RNF19A: variants seen among roughly 807,000 people sequenced by gnomAD.
The protein encoded by RNF19A is E3 ubiquitin-protein ligase RNF19A.
RNF19A carries 32 observed loss-of-function variants against 75.7 expected under a neutral mutation model. The ratio of observed to expected loss-of-function variants is 0.42; its 90% CI spans 0.32 to 0.57. The LOEUF is 0.57. Among genes scored for constraint, RNF19A ranks in the 20% least tolerant of loss-of-function variants. The pLI is 0.10. For missense variants in RNF19A, 782 were observed against 1,036.3 expected, an observed-to-expected ratio of 0.75 and a Z score of 3.37; for synonymous variants, 335 against 345.2, an observed-to-expected ratio of 0.97 and a Z score of 0.33.
chr8:100,304,549 C>T (rs925737925), intron 1 of RNF19A, among the ~76,000 whole-genome samples: 2 of 152,170 alleles, frequency 1.3e-5, no homozygotes, highest in Non-Finnish European at 2.9e-5. Flanking sequence ...TCCAAATGAC[C>T]TTATTTCATG....
At chr8:100,301,447 T>C (rs552569540) in intron 1 of RNF19A, among the ~76,000 whole-genome samples, 2 of 152,340 alleles carry the variant, frequency 1.3e-5, no homozygotes, top group African/African-American at 4.8e-5. Flanking sequence ...CCTGTGGCAT[T>C]AAAAGCCCTC....
chr8:100,314,367 A>C (rs1164344916), upstream of RNF19A, among the ~76,000 whole-genome samples: 6 of 151,906 alleles, frequency 3.9e-5, no homozygotes. This position sits in a 1 kb window ranked among gnomAD's most constrained non-coding sequence, Gnocchi z 4.1. Flanking sequence ...AAAGCTCCCA[A>C]ATTAGGATCT....
rs529551927 is a variant in RNF19A at position 100,257,457 on chromosome 8, G to T, written c.*1099C>A. On this transcript the variant is annotated 3_prime_UTR_variant, in exon 10 of 10. Coordinates refer to ENST00000341084, the MANE Select transcript of RNF19A (RefSeq NM_183419.4). The stretch of plus-strand genomic sequence containing the variant: ...ACATTGTCCATAAACAAAAGCAAAA[G>T]AAAATAATGCTAATCATACATGGAC... 1.5e-4 allele frequency: 23 copies of T among 152,684 alleles called. No individual in the cohort carries two copies. Among genetic ancestry groups the T allele is most frequent in the African/African-American group, 5.3e-4 (22 of 41,562 alleles). The allele number at this position is 152,684 out of a possible 1,614,324, so 9.5% of individuals were successfully genotyped here.
intron 2 of RNF19A, among the ~76,000 whole-genome samples, chr8:100,285,857 T>A (rs1820993077): frequency 6.6e-6 from 1 of 152,002 alleles, no homozygotes; most frequent in African/African-American, 2.4e-5. Flanking sequence ...TCTTGCACCC[T>A]GGGGTTCTAT....
chr8:100,299,949 T>C (rs1447819447), intron 1 of RNF19A, among the ~76,000 whole-genome samples: 2 of 152,170 alleles, frequency 1.3e-5, no homozygotes, highest in African/African-American at 4.8e-5. Flanking sequence ...GACCTCTGGT[T>C]AGCTAAATCA....
intron 5 of RNF19A, among the ~76,000 whole-genome samples, chr8:100,268,173 C>T (rs1198358122): frequency 6.6e-6 from 1 of 151,480 alleles, no homozygotes; most frequent in Admixed American, 6.6e-5. Context: ...TTAATTTAGG[C>T]AACAACAGAC....
chr8:100,289,920 T>C (rs892870552), intron 1 of RNF19A, among the ~76,000 whole-genome samples: 3 of 152,148 alleles, frequency 2.0e-5, no homozygotes, highest in African/African-American at 7.2e-5. Context: ...AATGAATACA[T>C]AATTTGTGGT....
At chr8:100,318,454 A>G (rs139022096) in intron 1 of RNF19A, among the ~76,000 whole-genome samples, 3 of 152,352 alleles carry the variant, frequency 2.0e-5, no homozygotes, top group Non-Finnish European at 4.4e-5. Context: ...ATTTTGAAAC[A>G]AGGCAAATAA....
Position 100,333,744 on chromosome 8 carries a change from G to A in RNF19A, c.-243+2364C>T, listed in dbSNP as rs1471245318. Among the ~76,000 whole-genome samples, 26 of 152,192 alleles carry A rather than the reference G, an allele frequency of 1.7e-4. No homozygotes were observed. Among genetic ancestry groups the A allele is most frequent in the Admixed American group, 1.7e-3 (26 of 15,278 alleles). ...GAGGTGGGAGGATCACTTGAGCCCA[G>A]GAGTTCAATGGTGTAGCCAGCTATG... On this transcript the variant is annotated intron_variant, in intron 1 of 3. Transcript: ENST00000519527. This position sits in a 1 kb window ranked among gnomAD's most constrained non-coding sequence, Gnocchi z 4.7.
At chr8:100,271,747 T>C (rs1388634662) in intron 3 of RNF19A, among the ~76,000 whole-genome samples, 5 of 152,210 alleles carry the variant, frequency 3.3e-5, no homozygotes, top group Admixed American at 1.3e-4. Context: ...AAAGGCTGTT[T>C]AGTTTGCTTT....
At chr8:100,279,442 C>T (rs1275551822) in intron 2 of RNF19A, among the ~76,000 whole-genome samples, 3 of 152,050 alleles carry the variant, frequency 2.0e-5, no homozygotes, top group African/African-American at 7.2e-5. Flanking sequence ...GGTGCAATCT[C>T]GGCTTGCTGC....
intron 1 of RNF19A, among the ~76,000 whole-genome samples, chr8:100,301,382 G>A (rs539019014): frequency 2.1e-4 from 32 of 152,188 alleles, no homozygotes; most frequent in African/African-American, 7.2e-4. Context: ...CTTTGTTAAA[G>A]TCTGCTTACA....
rs1820164209 is a variant in RNF19A at position 100,269,757 on chromosome 8, G to A, written c.1028+112C>T. ...GGTTTCTTTTAAATTTATTTAACTA[G>A]AATAAAACCAATCCCTTTAAGTATC... is the stretch of plus-strand genomic sequence containing the variant. On this transcript the variant is annotated intron_variant, in intron 4 of 9. Transcript: ENST00000341084. This position sits in a 1 kb window ranked among gnomAD's most constrained non-coding sequence, Gnocchi z 5.7. 3 of 690,674 alleles carry A rather than the reference G, an allele frequency of 4.3e-6. No homozygotes were observed. Among genetic ancestry groups the A allele is most frequent in the Non-Finnish European group, 6.6e-6 (3 of 457,166 alleles). The allele number at this position is 690,674 out of a possible 1,614,324, so 42.8% of individuals were successfully genotyped here. A position where few individuals can be genotyped will look rare whatever the true frequency, so the allele number is the denominator to read the frequency against.
intron 2 of RNF19A, among the ~76,000 whole-genome samples, chr8:100,285,577 A>T (rs141641606): frequency 6.6e-6 from 1 of 152,056 alleles, no homozygotes; most frequent in Admixed American, 6.6e-5. Context: ...TACTGTCTTA[A>T]TATCTCCTGG....
In RNF19A at chr8:100,287,808, T is replaced by A; in HGVS notation, c.367A>T (p.Ser123Cys). 1.2e-6 allele frequency: 2 copies of A among 1,614,206 alleles called. No individual in the cohort carries two copies. The highest frequency in any genetic ancestry group is 1.7e-6 in the Non-Finnish European group (2 of 1,180,036). The change falls in exon 2 of 10, where the codon AGC (serine) becomes TGC (cysteine). Residue 123 changes from serine to cysteine, a missense_variant. Physicochemically the swap from Ser to Cys is moderately radical, Grantham distance 112. Around this residue, in one of 7 missense-constraint regions of RNF19A, gnomAD observed 148 missense variants for 147.9 expected, o/e 1.00. Coordinates refer to ENST00000341084, the MANE Select transcript of RNF19A (RefSeq NM_183419.4). The surrounding 1 kb of genome is among the most constrained non-coding windows in gnomAD (Gnocchi z 4.1). Reference sequence around the variant, plus strand: ...TCTATGAAGTCTCCAATTTGTTTGCTGATGGAAGTTAATCCATTGTCAGAA... The same window carrying A: ...TCTATGAAGTCTCCAATTTGTTTGCAGATGGAAGTTAATCCATTGTCAGAA... Reference protein sequence around the residue: ...TSSDNGLTSISKQIGDFIECP... With the variant: ...TSSDNGLTSICKQIGDFIECP...
Position 100,330,887 on chromosome 8 carries a change from A to G in RNF19A, c.-243+5221T>C, listed in dbSNP as rs1822600435. 6.6e-6 allele frequency among the ~76,000 whole-genome samples: 1 copy of G among 152,242 alleles called. No homozygotes were observed. The highest frequency in any genetic ancestry group is 1.5e-5 in the Non-Finnish European group (1 of 68,046). On this transcript the variant is annotated intron_variant, in intron 1 of 3. Transcript: ENST00000519527. The surrounding 1 kb of genome is among the most constrained non-coding windows in gnomAD (Gnocchi z 4.1). ...TTGAGACTCTTGCTGTGTATACAGCATTAATGCGAAAAGTGCAGACTGGCT... is the reference window on the plus strand; with the variant it reads ...TTGAGACTCTTGCTGTGTATACAGCGTTAATGCGAAAAGTGCAGACTGGCT...
chr8:100,293,528 T>C lies in RNF19A; in HGVS notation c.-93-5261A>G, dbSNP rs190373431. On this transcript the variant is annotated intron_variant, in intron 1 of 9. Transcript: ENST00000341084. Reference sequence around the variant, plus strand: ...TTTTTTCCTTTGCTTGCATTCAACATTGTTTTCTATCTTGGATGTTCAGCA... The same window carrying C: ...TTTTTTCCTTTGCTTGCATTCAACACTGTTTTCTATCTTGGATGTTCAGCA... Among the ~76,000 whole-genome samples the C allele has an allele frequency of 5.8e-4, 88 of 152,348 alleles. 2 individuals carry two copies. The highest frequency in any genetic ancestry group is 3.4e-3 in the Middle Eastern group (1 of 294).
At position 100,284,834 on chromosome 8, in the gene RNF19A, G is replaced by A. The variant is rs1820941262; in HGVS notation, c.674+2667C>T. Reference sequence around the variant, plus strand: ...CTCCTGTATCTACCACTGAAGTTAAGAAACATTATCAGCAGGATGATCATT... The same window carrying A: ...CTCCTGTATCTACCACTGAAGTTAAAAAACATTATCAGCAGGATGATCATT... On this transcript the variant is annotated intron_variant, in intron 2 of 9. Coordinates refer to ENST00000341084, the MANE Select transcript of RNF19A (RefSeq NM_183419.4). The surrounding 1 kb of genome is among the most constrained non-coding windows in gnomAD (Gnocchi z 4.3). Among the ~76,000 whole-genome samples, 1 of 152,070 alleles carries A rather than the reference G, an allele frequency of 6.6e-6. No individual in the cohort carries two copies. Among genetic ancestry groups the A allele is most frequent in the African/African-American group, 2.4e-5 (1 of 41,418 alleles).
chr8:100,327,520 G>C (rs1313954846), intron 1 of RNF19A, among the ~76,000 whole-genome samples: 1 of 152,036 alleles, frequency 6.6e-6, no homozygotes, highest in African/African-American at 2.4e-5. Flanking sequence ...CAAACTGCTG[G>C]GATTACAGGC....
Sources: allele counts gnomAD v4.1 joint callset (sites outside exome capture counted in the v4.1 genomes callset), GRCh38; gene constraint gnomAD v4.1.1; regional missense constraint gnomAD v4.1.1; non-coding constraint Gnocchi (gnomAD v3.1); transcripts MANE v1.5; gene names NCBI Gene and HGNC (gene_info 2026-07-23, HGNC 2026-07-21).